The following ADCY2 variants were observed in gnomAD, a reference collection of about 807,000 sequenced individuals.
The protein encoded by ADCY2 is adenylate cyclase type 2.
A neutral mutation model predicts 125.2 loss-of-function variants in ADCY2; 31 were observed. That is an observed-to-expected ratio of 0.25 (90% CI 0.19 to 0.33). ADCY2 has a LOEUF of 0.33. Among genes scored for constraint, ADCY2 ranks in the 10% least tolerant of loss-of-function variants. The pLI is 1.00. For synonymous variants in ADCY2, 512 were observed against 548.4 expected (o/e 0.93, Z 0.93); for missense variants, 904 against 1,418.2 (o/e 0.64, Z 5.82).
chr5:7,454,732 T>C (rs115759217), intron 2 of ADCY2, among the ~76,000 whole-genome samples: 1,655 of 152,308 alleles, frequency 0.011, 32 homozygotes, highest in African/African-American at 0.038. Flanking sequence ...GAAGTTCCTA[T>C]GGGGTGTTTT....
chr5:7,501,951 C>T, intron 2 of ADCY2, among the ~76,000 whole-genome samples: 1 of 152,104 alleles, frequency 6.6e-6, no homozygotes, highest in East Asian at 1.9e-4. Flanking sequence ...AGTCTCTTTC[C>T]TAAGCTGGGG....
At chr5:7,654,403 A>G (rs1739247865) in intron 4 of ADCY2, among the ~76,000 whole-genome samples, 1 of 152,130 alleles carries the variant, frequency 6.6e-6, no homozygotes, top group Admixed American at 6.5e-5. Context: ...ACGCTATGGA[A>G]TGATCCAGCA....
chr5:7,748,879 G>A (rs1244538582), intron 15 of ADCY2, among the ~76,000 whole-genome samples: 2 of 152,110 alleles, frequency 1.3e-5, no homozygotes, highest in Non-Finnish European at 2.9e-5. Flanking sequence ...TAATAGAACC[G>A]GGGCTCACAG....
At chr5:7,610,512 T>G (rs1737543117) in intron 3 of ADCY2, among the ~76,000 whole-genome samples, 1 of 151,636 alleles carries the variant, frequency 6.6e-6, no homozygotes, top group Non-Finnish European at 1.5e-5. Context: ...GGTTGCTACA[T>G]GAAATGGATT....
At chr5:7,512,796 GC>G (rs1744117145) in intron 2 of ADCY2, among the ~76,000 whole-genome samples, 1 of 152,160 alleles carries the variant, frequency 6.6e-6, no homozygotes, top group African/African-American at 2.4e-5. Flanking sequence ...GTTCTGTGAA[GC>G]CTGGGGAAGC....
At chr5:7,702,535 A>G (rs1394134397) in intron 7 of ADCY2, among the ~76,000 whole-genome samples, 2 of 152,250 alleles carry the variant, frequency 1.3e-5, no homozygotes, top group East Asian at 1.9e-4. Context: ...AGCTTCATCC[A>G]TGTCCCTACA....
intron 2 of ADCY2, among the ~76,000 whole-genome samples, chr5:7,510,461 C>T (rs1744012730): frequency 2.0e-5 from 3 of 152,174 alleles, no homozygotes; most frequent in Admixed American, 2.0e-4. Context: ...ACCTGGGAAG[C>T]AGGGTTACCA....
Position 7,776,636 on chromosome 5 carries a change from G to A in ADCY2, c.2384+3535G>A, listed in dbSNP as rs146944982. On this transcript the variant is annotated intron_variant, in intron 18 of 24. Transcript: ENST00000338316. ...TATTGTTTCTGGGTGTGTCTGCGTG[G>A]GTGTTGCCAGAGAAGACTGACATTT... 6.5e-3 allele frequency among the ~76,000 whole-genome samples: 986 copies of A among 152,216 alleles called. 4 individuals are homozygous for A. The highest frequency in any genetic ancestry group is 0.01 in the Non-Finnish European group (688 of 67,986).
intron 2 of ADCY2, among the ~76,000 whole-genome samples, chr5:7,443,423 C>T (rs181362355): frequency 2.2e-4 from 34 of 151,796 alleles, no homozygotes; most frequent in East Asian, 1.4e-3. Flanking sequence ...GAGGCCGAGG[C>T]GGGTGGATCA....
chr5:7,786,975 G>T (rs528146548), intron 19 of ADCY2, among the ~76,000 whole-genome samples: 2 of 152,314 alleles, frequency 1.3e-5, no homozygotes, highest in African/African-American at 4.8e-5. Flanking sequence ...AGCAGGGAGG[G>T]TCATGGGGTC....
At chr5:7,545,276 A>G (rs1198617302) in intron 3 of ADCY2, among the ~76,000 whole-genome samples, 1 of 152,210 alleles carries the variant, frequency 6.6e-6, no homozygotes, top group Admixed American at 6.5e-5. Flanking sequence ...ATCCCTCTCT[A>G]CAGTGCTTCT....
At chr5:7,732,602 G>A (rs891382626) in intron 14 of ADCY2, among the ~76,000 whole-genome samples, 1 of 152,130 alleles carries the variant, frequency 6.6e-6, no homozygotes, top group Non-Finnish European at 1.5e-5. Flanking sequence ...AGGCATTTTT[G>A]TTAGAATAAT....
chr5:7,811,760 T>C (rs1744950728), intron 22 of ADCY2, among the ~76,000 whole-genome samples: 1 of 152,048 alleles, frequency 6.6e-6, no homozygotes. Flanking sequence ...CAGACCCTAG[T>C]CTCCATCTGA....
At chr5:7,814,945 C>T (rs906735108) in intron 22 of ADCY2, among the ~76,000 whole-genome samples, 2 of 152,060 alleles carry the variant, frequency 1.3e-5, no homozygotes, top group Admixed American at 1.3e-4. Flanking sequence ...TTGCTGGTTC[C>T]CCTCCCCCCG....
intron 14 of ADCY2, among the ~76,000 whole-genome samples, chr5:7,730,261 C>T (rs1001405673): frequency 1.1e-4 from 17 of 152,278 alleles, no homozygotes; most frequent in African/African-American, 3.8e-4. Flanking sequence ...ATGTATGCTA[C>T]ATTTCATTTA....
rs543599507 is a variant in ADCY2, at chr5:7,587,933, T to C, written c.571-38234T>C. On this transcript the variant is annotated intron_variant, in intron 3 of 24. Coordinates refer to ENST00000338316, the MANE Select transcript of ADCY2 (RefSeq NM_020546.3). ...TGACCAGGACAGGCCAACAGTCTTA[T>C]TAAAATTATTGTGTCAATACTAGCT... 4.2e-3 allele frequency among the ~76,000 whole-genome samples: 638 copies of C among 152,296 alleles called. 2 individuals carry two copies. The highest frequency in any genetic ancestry group is 6.5e-3 in the Non-Finnish European group (442 of 68,030).
At chr5:7,706,928 C>T (rs1254324110) in intron 8 of ADCY2, 26 bp downstream of exon 8, 3 of 1,612,828 alleles carry the variant, frequency 1.9e-6, no homozygotes, top group Admixed American at 1.7e-5. Context: ...GGATTTCTTT[C>T]TTCAAGCAGG....
intron 17 of ADCY2, among the ~76,000 whole-genome samples, chr5:7,767,011 T>TA (rs1226232663): frequency 6.6e-6 from 1 of 152,240 alleles, no homozygotes; most frequent in African/African-American, 2.4e-5. Context: ...TCTGAAAACT[T>TA]ACAATGTTAT....
chr5:7,472,619 A>C (rs1314531019), intron 2 of ADCY2, among the ~76,000 whole-genome samples: 3 of 152,088 alleles, frequency 2.0e-5, no homozygotes, highest in African/African-American at 7.2e-5. Flanking sequence ...GGCTTTATGA[A>C]TAGGACAGCA....
Sources: allele counts gnomAD v4.1 joint callset (sites outside exome capture counted in the v4.1 genomes callset), GRCh38; gene constraint gnomAD v4.1.1; transcripts MANE v1.5; gene names NCBI Gene and HGNC (gene_info 2026-07-23, HGNC 2026-07-21).